POTEC: variants seen among roughly 807,000 people sequenced by gnomAD.
POTEC encodes POTE ankyrin domain family member C.
A neutral mutation model predicts 62.0 loss-of-function variants in POTEC; 35 were observed. That is an observed-to-expected ratio of 0.56 (90% confidence interval 0.43 to 0.75). The LOEUF (loss-of-function observed/expected upper bound fraction) is 0.75, where lower values mean the gene tolerates loss of function less well. Ranked by LOEUF, POTEC falls within the 30% of genes least tolerant of loss-of-function variation. POTEC has a pLI of 0.00. For missense variants in POTEC, 472 were observed against 655.9 expected (o/e 0.72, Z 3.06); for synonymous variants, 156 against 221.5 (o/e 0.70, Z 2.62).
chr18:14,528,943 T>C (rs1215097057), intron 6 of POTEC: 1 of 454,332 alleles, frequency 2.2e-6, no homozygotes, highest in African/African-American at 2.0e-5. Flanking sequence ...TTGCACTTGC[T>C]GCTCTTCCTG....
rs201172379 is a variant in POTEC, at chr18:14,533,035, A to C, written c.1055+26T>G. The C allele has an allele frequency of 6.4e-3, 10,313 of 1,608,802 alleles. 48 individuals carry two copies. The highest frequency in any genetic ancestry group is 7.2e-3 in the Non-Finnish European group (8,501 of 1,177,914). ...TATTTTAAACCTCAATTTAGCATTA[A>C]CTAGCCTTTTCATGTAAACACTTAC... On this transcript the variant is annotated intron_variant, in intron 5 of 10. Coordinates refer to ENST00000358970, the MANE Select transcript of POTEC (RefSeq NM_001137671.2).
rs1451627757 is a variant in POTEC at position 14,537,794 on chromosome 18, T to A, written c.810+7A>T. 6 of 1,610,584 alleles carry A rather than the reference T, an allele frequency of 3.7e-6. No homozygotes were observed. Among genetic ancestry groups the A allele is most frequent in the Admixed American group, 1.7e-5 (1 of 59,856 alleles). ...GTATTTTGAAGATAAAATTGGTAGA[T>A]CTATACCTTGTTTTTTGATTCAATA... On this transcript the variant is annotated splice_region_variant and intron_variant, in intron 3 of 10. Coordinates refer to ENST00000358970, the MANE Select transcript of POTEC (RefSeq NM_001137671.2).
intron 9 of POTEC, among the ~76,000 whole-genome samples, chr18:14,521,519 C>T (rs1430104828): frequency 1.3e-5 from 2 of 152,062 alleles, no homozygotes; most frequent in African/African-American, 2.4e-5. Flanking sequence ...TATAATAATG[C>T]TGTAAGGAAT....
At chr18:14,539,493 C>A (rs1311278221) in intron 1 of POTEC, among the ~76,000 whole-genome samples, 1 of 143,300 alleles carries the variant, frequency 7.0e-6, no homozygotes, top group East Asian at 2.5e-4. Flanking sequence ...GTGTTCTCCT[C>A]ATTTAGCTCC....
intron 5 of POTEC, among the ~76,000 whole-genome samples, chr18:14,530,835 G>A (rs980102293): frequency 1.3e-5 from 2 of 152,148 alleles, no homozygotes; most frequent in Admixed American, 1.3e-4. Flanking sequence ...CTCTGCATAA[G>A]TCCTAGCTCC....
rs1909873256 is a variant in POTEC at position 14,507,412 on chromosome 18, T to TAGAAAAAAGAAAA, written c.*4485_*4486insTTTTCTTTTTTCT. On this transcript the variant is annotated 3_prime_UTR_variant, in exon 11 of 11. Coordinates refer to ENST00000358970, the MANE Select transcript of POTEC (RefSeq NM_001137671.2). The stretch of plus-strand genomic sequence containing the variant: ...TAGGAGTGCAACACCTGCTTTTTTC[T>TAGAAAAAAGAAAA]GTTTTCCATTTCCTTGAAATATTTT... 1.3e-5 allele frequency: 2 copies of TAGAAAAAAGAAAA among 151,900 alleles called. No homozygotes were observed. The highest frequency in any genetic ancestry group is 2.4e-5 in the African/African-American group (1 of 41,352). 9.4% of individuals were successfully genotyped at this position (151,900 alleles called of 1,614,324 possible).
At position 14,542,785 on chromosome 18, in the gene POTEC, C is replaced by A; in HGVS notation, c.362G>T (p.Gly121Val). Residue 121 changes from glycine (G) to valine (V), a missense_variant, in exon 1 of 11, where the codon GGA (glycine) becomes GTA (valine). Around this residue, in one of 5 missense-constraint regions of POTEC, gnomAD observed 257 missense variants for 250.7 expected, o/e 1.03. Coordinates refer to ENST00000358970, the MANE Select transcript of POTEC (RefSeq NM_001137671.2). The part of the protein sequence containing the change: ...GSGKSNVGAW[G>V]DYDDSAFMEP... ...CATGAAGGCGCTGTCGTCGTAGTCT[C>A]CCCAAGCGCCCACGTTGCTCTTGCC... 2 of 1,613,836 alleles carry A rather than the reference C, an allele frequency of 1.2e-6. No individual in the cohort carries two copies. The highest frequency in any genetic ancestry group is 2.2e-5 in the South Asian group (2 of 91,046).
intron 6 of POTEC, among the ~76,000 whole-genome samples, chr18:14,526,661 T>C (rs1430932014): frequency 1.3e-5 from 2 of 151,738 alleles, no homozygotes; most frequent in Non-Finnish European, 2.9e-5. Context: ...TTGCCTGCAA[T>C]AGAAGGAGGA....
chr18:14,528,087 TACA>T (rs952862035), intron 6 of POTEC: 27 of 152,330 alleles, frequency 1.8e-4, no homozygotes, highest in African/African-American at 4.8e-4. Context: ...GCTTTCACAC[TACA>T]ACAACAGACA....
At chr18:14,529,670 TTGGTAAA>T (rs1324201406) in intron 6 of POTEC, among the ~76,000 whole-genome samples, 3 of 152,274 alleles carry the variant, frequency 2.0e-5, no homozygotes, top group Non-Finnish European at 4.4e-5. Flanking sequence ...TGACAATCTT[TTGGTAAA>T]TGGTAGCAGA....
intron 1 of POTEC, among the ~76,000 whole-genome samples, chr18:14,539,458 A>G (rs9635841): frequency 0.023 from 2,654 of 114,238 alleles, 29 homozygotes; most frequent in East Asian, 0.059. Flanking sequence ...GCCCCAGTGT[A>G]TGTTGCTTCC....
At chr18:14,534,131 G>A (rs1392658049) in intron 4 of POTEC, among the ~76,000 whole-genome samples, 11 of 128,852 alleles carry the variant, frequency 8.5e-5, no homozygotes, top group Non-Finnish European at 4.7e-5. Flanking sequence ...GTGTCCATGT[G>A]ATCTCATTGT....
At chr18:14,516,666 G>C (rs188130514) in intron 9 of POTEC, among the ~76,000 whole-genome samples, 1,608 of 144,734 alleles carry the variant, frequency 0.011, 126 homozygotes, top group Admixed American at 0.099. Context: ...AAACTACTGG[G>C]GGGGGGTGTA....
chr18:14,532,947 T>G, intron 5 of POTEC, 114 bp downstream of exon 5: 1 of 1,589,452 alleles, frequency 6.3e-7, no homozygotes. Context: ...TCACTGCCAA[T>G]CTAAAACTAC....
At chr18:14,534,421 C>A (rs889511810) in intron 4 of POTEC, among the ~76,000 whole-genome samples, 3 of 151,936 alleles carry the variant, frequency 2.0e-5, no homozygotes, top group African/African-American at 7.3e-5. Context: ...TGGCGATAAG[C>A]TAACATTAAT....
rs751869047 is a variant in POTEC at position 14,543,192 on chromosome 18, G to T, written c.-46C>A. 4.3e-6 allele frequency: 7 copies of T among 1,611,070 alleles called. No individual in the cohort carries two copies. The African/African-American group carries it at 6.7e-5, about 15-fold the overall frequency. ...AGGCCGGTAGTAGCGAACAGATCGC[G>T]TCTACCAACCAGTTTCACCAACTAG... On this transcript the variant is annotated 5_prime_UTR_variant, in exon 1 of 11. Coordinates refer to ENST00000358970, the MANE Select transcript of POTEC (RefSeq NM_001137671.2).
chr18:14,522,754 T>C (rs1910342921), intron 8 of POTEC, among the ~76,000 whole-genome samples: 1 of 151,658 alleles, frequency 6.6e-6, no homozygotes, highest in African/African-American at 2.4e-5. Flanking sequence ...TTTACCCCAT[T>C]TGACTCGTGG....
At chr18:14,528,453 T>G (rs1437108853) in intron 6 of POTEC, among the ~76,000 whole-genome samples, 1 of 152,198 alleles carries the variant, frequency 6.6e-6, no homozygotes, top group Non-Finnish European at 1.5e-5. Flanking sequence ...GCATGTGGTG[T>G]GACCCAGCCA....
intron 1 of POTEC, among the ~76,000 whole-genome samples, 181 bp from the exon 2 acceptor site, chr18:14,538,430 C>A (rs1905823851): frequency 6.6e-6 from 1 of 152,166 alleles, no homozygotes; most frequent in Non-Finnish European, 1.5e-5. Context: ...GAAAGAGCAG[C>A]CTATTTGAAT....
Sources: gnomAD v4.1 joint callset for allele counts (sites outside exome capture counted in the v4.1 genomes callset) on GRCh38, gnomAD v4.1.1 for gene constraint, gnomAD v4.1.1 regional missense constraint, MANE v1.5 for transcripts, NCBI Gene and HGNC (gene_info 2026-07-23, HGNC 2026-07-21) for gene names.